The following GLP1R variants were observed in gnomAD, a reference collection of about 807,000 sequenced individuals.
The protein encoded by GLP1R is glucagon-like peptide 1 receptor.
A neutral mutation model predicts 68.4 loss-of-function variants in GLP1R; 32 were observed. That is an observed-to-expected ratio of 0.47 (90% CI 0.35 to 0.63). GLP1R has a LOEUF of 0.63. GLP1R is among the 20% of genes least tolerant of loss of function. The pLI, the probability that GLP1R is intolerant of heterozygous loss-of-function variation, is 0.00. For missense variants in GLP1R, 502 were observed against 594.9 expected (o/e 0.84, Z 1.62); for synonymous variants, 263 against 244.4 (o/e 1.08, Z -0.71).
chr6:39,050,527 C>T (rs2150817727), intron 1 of GLP1R, among the ~76,000 whole-genome samples: 1 of 152,164 alleles, frequency 6.6e-6, no homozygotes, highest in South Asian at 2.1e-4. Flanking sequence ...AAAAGCTGGG[C>T]ATCCTGGGGG....
At chr6:39,075,569 G>A (rs1288340503) in intron 7 of GLP1R, among the ~76,000 whole-genome samples, 1 of 152,144 alleles carries the variant, frequency 6.6e-6, no homozygotes, top group Non-Finnish European at 1.5e-5. Context: ...AGGGCTCGGG[G>A]TCTGTGGGAG....
At chr6:39,052,312 G>A (rs556308235) in intron 1 of GLP1R, among the ~76,000 whole-genome samples, 59 of 152,306 alleles carry the variant, frequency 3.9e-4, no homozygotes, top group African/African-American at 1.4e-3. Flanking sequence ...AAGAGACAGG[G>A]GTCTGTTGAT....
intron 3 of GLP1R, among the ~76,000 whole-genome samples, chr6:39,061,327 G>A (rs866948867): frequency 6.6e-6 from 1 of 152,230 alleles, no homozygotes; most frequent in Non-Finnish European, 1.5e-5. Flanking sequence ...CCCTTCAGCA[G>A]CCTCGTTTAC....
At chr6:39,067,071 C>T (rs1462821157) in intron 5 of GLP1R, among the ~76,000 whole-genome samples, 1 of 152,146 alleles carries the variant, frequency 6.6e-6, no homozygotes, top group East Asian at 1.9e-4. Flanking sequence ...ACACACCATC[C>T]AGCCTAAGAA....
Position 39,085,926 on chromosome 6 carries a change from G to T in GLP1R, c.1245G>T (p.Lys415Asn), listed in dbSNP as rs1463954816. 2 of 1,613,824 alleles carry T rather than the reference G, an allele frequency of 1.2e-6. No individual in the cohort carries two copies. The highest frequency in any genetic ancestry group is 4.5e-5 in the East Asian group (2 of 44,888). The part of the protein sequence containing the change: ...VNNEVQLEFR[K>N]SWERWRLEHL... ...GGAAGGTCCAGCTGGAATTTCGGAAGAGCTGGGAGCGCTGGCGGCTTGAGC... is the reference window on the plus strand; with the variant it reads ...GGAAGGTCCAGCTGGAATTTCGGAATAGCTGGGAGCGCTGGCGGCTTGAGC... Residue 415 changes from lysine (K) to asparagine (N), a missense_variant, in exon 13 of 13, where the codon AAG becomes AAT. Coordinates refer to ENST00000373256, the MANE Select transcript of GLP1R (RefSeq NM_002062.5).
chr6:39,070,561 A>G (rs897204764), intron 5 of GLP1R, among the ~76,000 whole-genome samples: 2 of 152,200 alleles, frequency 1.3e-5, no homozygotes, highest in Non-Finnish European at 2.9e-5. Context: ...ACACCAGTTT[A>G]CCCTCTCATC....
intron 7 of GLP1R, among the ~76,000 whole-genome samples, chr6:39,076,204 G>C (rs1768822149): frequency 6.6e-6 from 1 of 152,152 alleles, no homozygotes; most frequent in African/African-American, 2.4e-5. Context: ...TGTGTACGTG[G>C]TTCAGGAAAT....
At position 39,053,831 on chromosome 6, in the gene GLP1R, A is replaced by T. The variant is rs779354354; in HGVS notation, c.79-2566A>T. Among the ~76,000 whole-genome samples the T allele has an allele frequency of 5.3e-5, 8 of 152,084 alleles. No individual in the cohort carries two copies. The South Asian group carries it at 1.7e-3, about 32-fold the overall frequency. ...TATGGCACTGGGTGGCCCTAGCCTC[A>T]TTTACTCAGTCTTTCCCCAGACCAG... On this transcript the variant is annotated intron_variant, in intron 1 of 12. Coordinates refer to ENST00000373256, the MANE Select transcript of GLP1R (RefSeq NM_002062.5).
chr6:39,048,794 C>G lies in GLP1R; in HGVS notation c.-47C>G. On this transcript the variant is annotated 5_prime_UTR_variant, in exon 1 of 13. Coordinates refer to ENST00000373256, the MANE Select transcript of GLP1R (RefSeq NM_002062.5). ...CACCAGCCCGGGATCAGTCTCCGCA[C>G]GCGGTTCCGCAGGTGGCAGCGATGG... 1 of 882,132 alleles carries G rather than the reference C, an allele frequency of 1.1e-6. No individual in the cohort carries two copies. The highest frequency in any genetic ancestry group is 3.1e-5 in the East Asian group (1 of 32,470). 54.6% of individuals were successfully genotyped at this position (882,132 alleles called of 1,614,324 possible). A position where few individuals can be genotyped will look rare whatever the true frequency, so the allele number is the denominator to read the frequency against.
Position 39,048,873 on chromosome 6 carries a change from G to A in GLP1R, c.33G>A (p.Ala11=), listed in dbSNP as rs746819294. MAGAPGPLRL[A]LLLLGMVGRA... ...GCGCCCCCGGCCCGCTGCGCCTTGC[G>A]CTGCTGCTGCTCGGGATGGTGGGCA... Residue 11 remains alanine, a synonymous_variant, in exon 1 of 13, where the codon GCG becomes GCA. Coordinates refer to ENST00000373256, the MANE Select transcript of GLP1R (RefSeq NM_002062.5). 1 of 1,495,906 alleles carries A rather than the reference G, an allele frequency of 6.7e-7. No homozygotes were observed. The highest frequency in any genetic ancestry group is 8.9e-7 in the Non-Finnish European group (1 of 1,129,346). 92.7% of individuals were successfully genotyped at this position (1,495,906 alleles called of 1,614,324 possible). A position where few individuals can be genotyped will look rare whatever the true frequency, so the allele number is the denominator to read the frequency against.
Position 39,079,127 on chromosome 6 carries a change from T to C in GLP1R, c.970T>C (p.Phe324Leu). The C allele has an allele frequency of 6.2e-7, 1 of 1,614,096 alleles. No homozygotes were observed. Among genetic ancestry groups the C allele is most frequent in the South Asian group, 1.1e-5 (1 of 91,074 alleles). The part of the protein sequence containing the change: ...LFAIGVNFLI[F>L]VRVICIVVSK... ...CACCCCGCAGGTGAACTTCCTCATC[T>C]TTGTTCGGGTCATCTGCATCGTGGT... Residue 324 changes from phenylalanine to leucine, a missense_variant, in exon 10 of 13, where the codon TTT becomes CTT. Coordinates refer to ENST00000373256, the MANE Select transcript of GLP1R (RefSeq NM_002062.5). This position sits in a 1 kb window ranked among gnomAD's most constrained non-coding sequence, Gnocchi z 4.5.
chr6:39,053,765 G>A (rs1448326529), intron 1 of GLP1R, among the ~76,000 whole-genome samples: 1 of 152,132 alleles, frequency 6.6e-6, no homozygotes, highest in East Asian at 1.9e-4. Flanking sequence ...CCAAGGCCAG[G>A]GTTGTTCAGC....
rs764752556 is a variant in GLP1R at position 39,073,676 on chromosome 6, C to T, written c.730C>T (p.Leu244Phe). 4 of 1,613,744 alleles carry T rather than the reference C, an allele frequency of 2.5e-6. No individual in the cohort carries two copies. The highest frequency in any genetic ancestry group is 1.7e-5 in the Admixed American group (1 of 60,014). The change falls in exon 7 of 13, where the codon CTC (leucine) becomes TTC (phenylalanine). Residue 244 changes from leucine to phenylalanine, a missense_variant. Leu to Phe is a conservative substitution (Grantham distance 22). Coordinates refer to ENST00000373256, the MANE Select transcript of GLP1R (RefSeq NM_002062.5). ...QYCVAANYYW[L>F]LVEGVYLYTL... ...CTGTGTGGCGGCCAATTACTACTGG[C>T]TCTTGGTGGAGGGCGTGTACCTGTA...
At chr6:39,056,343 G>T (rs1420622622) in intron 1 of GLP1R, 54 bp from the exon 2 acceptor site, 12 of 890,220 alleles carry the variant, frequency 1.3e-5, no homozygotes, top group Middle Eastern at 5.9e-4. Flanking sequence ...GGGTGAGGGG[G>T]CAGGAGAGGG....
chr6:39,073,012 C>G lies in GLP1R; in HGVS notation c.660C>G (p.Tyr220Ter). The G allele has an allele frequency of 6.2e-7, 1 of 1,613,676 alleles. No individual in the cohort carries two copies. The highest frequency in any genetic ancestry group is 8.5e-7 in the Non-Finnish European group (1 of 1,179,804). Reference protein sequence around the residue: ...QQHQWDGLLSYQDSLSCRLVF... With the variant: ...QQHQWDGLLS ...ACCAGTGGGATGGGCTCCTCTCCTA[C>G]CAGGTGTGTGGTGCATCCAGGACCG... Residue 220 changes from tyrosine to a stop codon, truncating the protein, a stop_gained, in exon 6 of 13, where the codon TAC becomes TAG. Transcript: ENST00000373256. LOFTEE classifies it high-confidence loss of function.
chr6:39,063,893 C>A (rs572122294), intron 3 of GLP1R, among the ~76,000 whole-genome samples: 1 of 142,518 alleles, frequency 7.0e-6, no homozygotes, highest in African/African-American at 2.6e-5. Context: ...CAGTCCCCAT[C>A]GTGTACACAC....
chr6:39,049,331 C>T lies in GLP1R; in HGVS notation c.78+413C>T, dbSNP rs900626087. Reference sequence around the variant, plus strand: ...CCTCTGCCCCACAGTCTGACCCAGACCCCTCTCCCGCAGTGCCTCCCCAGA... The same window carrying T: ...CCTCTGCCCCACAGTCTGACCCAGATCCCTCTCCCGCAGTGCCTCCCCAGA... On this transcript the variant is annotated intron_variant, in intron 1 of 12. Coordinates refer to ENST00000373256, the MANE Select transcript of GLP1R (RefSeq NM_002062.5). The surrounding 1 kb of genome is among the most constrained non-coding windows in gnomAD (Gnocchi z 4.5). Among the ~76,000 whole-genome samples, 1 of 152,204 alleles carries T rather than the reference C, an allele frequency of 6.6e-6. No individual in the cohort carries two copies. Among genetic ancestry groups the T allele is most frequent in the African/African-American group, 2.4e-5 (1 of 41,450 alleles).
chr6:39,067,869 C>A (rs12199414), intron 5 of GLP1R, among the ~76,000 whole-genome samples: 2 of 152,206 alleles, frequency 1.3e-5, no homozygotes, highest in Non-Finnish European at 2.9e-5. Context: ...CTTATGAAAT[C>A]ACTGAAGTTA....
intron 5 of GLP1R, 136 bp downstream of exon 5, chr6:39,066,439 T>C: frequency 1.7e-6 from 1 of 587,986 alleles, no homozygotes. Flanking sequence ...TACAGAGCCC[T>C]GACCGTAGAA....
Sources: allele counts gnomAD v4.1 joint callset (sites outside exome capture counted in the v4.1 genomes callset), GRCh38; gene constraint gnomAD v4.1.1; non-coding constraint Gnocchi (gnomAD v3.1); transcripts MANE v1.5; gene names NCBI Gene and HGNC (gene_info 2026-07-23, HGNC 2026-07-21).